SIDT1: variants seen among roughly 807,000 people sequenced by gnomAD.
SIDT1 encodes the protein SID1 transmembrane family member 1.
SIDT1 carries 101 observed loss-of-function variants against 107.5 expected under a neutral mutation model. The ratio of observed to expected loss-of-function variants is 0.94; its 90% CI spans 0.80 to 1.11. The LOEUF is 1.11. Among genes scored for constraint, SIDT1 ranks in the 50% least tolerant of loss-of-function variants. The pLI is 0.00. For synonymous variants in SIDT1, 395 were observed against 398.2 expected, an observed-to-expected ratio of 0.99 and a Z score of 0.10; for missense variants, 1,076 against 1,058.2, an observed-to-expected ratio of 1.02 and a Z score of -0.23.
At chr3:113,566,361 TG>T in intron 1 of SIDT1, 58 bp from the exon 2 acceptor site, 5 of 1,535,592 alleles carry the variant, frequency 3.3e-6, no homozygotes, top group African/African-American at 2.7e-5. Flanking sequence ...TGTGTGTGTG[TG>T]TGTTTGCATG....
intron 21 of SIDT1, among the ~76,000 whole-genome samples, chr3:113,620,731 G>T (rs1946410319): frequency 6.6e-6 from 1 of 152,104 alleles, no homozygotes; most frequent in Non-Finnish European, 1.5e-5. Context: ...GGATTCTTGG[G>T]CAGTGGTCTC....
chr3:113,604,931 G>A lies in SIDT1; in HGVS notation c.1359G>A (p.Val453=). 6.2e-7 allele frequency: 1 copy of A among 1,614,032 alleles called. No individual in the cohort carries two copies. The highest frequency in any genetic ancestry group is 8.5e-7 in the Non-Finnish European group (1 of 1,180,020). ...IYFWNIITIA[V]FYALPVIQLV... ...ATAGGAACATCATCACCATTGCTGT[G>A]TTTTACGCGCTGCCCGTGATCCAGC... Residue 453 remains valine, a synonymous_variant, in exon 14 of 25, where the codon GTG becomes GTA. Transcript: ENST00000264852.
At chr3:113,624,027 AGTTC>A (rs1436875049) in intron 23 of SIDT1, among the ~76,000 whole-genome samples, 12 of 152,216 alleles carry the variant, frequency 7.9e-5, no homozygotes, top group Admixed American at 7.9e-4. Flanking sequence ...AGCCTTGAGT[AGTTC>A]ATCTTCTCAT....
At chr3:113,630,921 G>A (rs978952416), downstream of SIDT1, among the ~76,000 whole-genome samples, 3 of 152,104 alleles carry the variant, frequency 2.0e-5, no homozygotes, top group South Asian at 2.1e-4. Context: ...CAACTGTTTC[G>A]TTTCCTGTCC....
intron 9 of SIDT1, 32 bp downstream of exon 9, chr3:113,585,302 C>G (rs750306846): frequency 3.6e-5 from 53 of 1,474,810 alleles, no homozygotes; most frequent in Non-Finnish European, 4.7e-5. Context: ...ATGTTAATTC[C>G]CTGTGCCTGT....
chr3:113,634,131 T>C (rs1947109491), downstream of SIDT1, among the ~76,000 whole-genome samples: 2 of 152,018 alleles, frequency 1.3e-5, no homozygotes, highest in Admixed American at 1.3e-4. Flanking sequence ...GAGAGAAGGA[T>C]AATTGGAGTG....
At chr3:113,556,492 G>A (rs1176052146) in intron 1 of SIDT1, among the ~76,000 whole-genome samples, 3 of 152,088 alleles carry the variant, frequency 2.0e-5, no homozygotes, top group South Asian at 2.1e-4. Flanking sequence ...TCCCATCTTC[G>A]CTCAGCCAGC....
intron 3 of SIDT1, among the ~76,000 whole-genome samples, chr3:113,574,350 A>C (rs1942728821): frequency 6.6e-6 from 1 of 152,214 alleles, no homozygotes; most frequent in African/African-American, 2.4e-5. Flanking sequence ...TGGCAGAAGG[A>C]GATAACAGGG....
At chr3:113,578,573 T>A (rs944961208) in intron 4 of SIDT1, among the ~76,000 whole-genome samples, 2 of 151,226 alleles carry the variant, frequency 1.3e-5, no homozygotes, top group African/African-American at 4.9e-5. Context: ...ACTGATCAGG[T>A]GTGGTGGCTT....
At position 113,556,824 on chromosome 3, in the gene SIDT1, T is replaced by TTTTTTTC. The variant is rs1940919660; in HGVS notation, c.223-9590_223-9589insCTTTTTT. Among the ~76,000 whole-genome samples, 2 of 138,862 alleles carry TTTTTTTC rather than the reference T, an allele frequency of 1.4e-5. 1 individual carries two copies. 91.1% of individuals were successfully genotyped at this position (138,862 alleles called of 152,430 possible). ...GGTATGCCCTAAGTTTCTTTTTCTT[T>TTTTTTTC]TTTTTTTTTTTTTGAAATAGAGTCT... On this transcript the variant is annotated intron_variant, in intron 1 of 24. Coordinates refer to ENST00000264852, the MANE Select transcript of SIDT1 (RefSeq NM_017699.3).
At chr3:113,610,888 T>G in intron 17 of SIDT1, 120 bp from the exon 18 acceptor site, 1 of 1,233,132 alleles carries the variant, frequency 8.1e-7, no homozygotes, top group Non-Finnish European at 1.1e-6. Flanking sequence ...AGCCTGCGGG[T>G]AGAAAATAGT....
chr3:113,558,532 C>T (rs1196319715), intron 1 of SIDT1, among the ~76,000 whole-genome samples: 1 of 152,126 alleles, frequency 6.6e-6, no homozygotes, highest in Non-Finnish European at 1.5e-5. Flanking sequence ...AATGTCTCCT[C>T]GTGGAGTAAA....
In SIDT1 at chr3:113,601,574, A is replaced by G; in HGVS notation, c.1046-14A>G. On this transcript the variant is annotated splice_polypyrimidine_tract_variant and intron_variant, in intron 10 of 24. Transcript: ENST00000264852. The stretch of plus-strand genomic sequence containing the variant: ...CTGGACATAAAGTGTTTGCCTCTTC[A>G]CTTTTTTTAACAGGCTCTGGAAATA... The G allele has an allele frequency of 1.2e-6, 2 of 1,609,726 alleles. No homozygotes were observed. The highest frequency in any genetic ancestry group is 1.7e-6 in the Non-Finnish European group (2 of 1,176,072).
chr3:113,578,839 C>T (rs1325721989), intron 4 of SIDT1, among the ~76,000 whole-genome samples: 4 of 151,902 alleles, frequency 2.6e-5, no homozygotes, highest in South Asian at 2.1e-4. Flanking sequence ...TGGGTGACAG[C>T]GTGAGACCCT....
At chr3:113,624,142 C>G (rs905008405) in intron 23 of SIDT1, among the ~76,000 whole-genome samples, 2 of 152,212 alleles carry the variant, frequency 1.3e-5, no homozygotes, top group African/African-American at 4.8e-5. Flanking sequence ...AGTGGTATAT[C>G]TGAGGCACAG....
chr3:113,630,324 C>A (rs1947080497), downstream of SIDT1, among the ~76,000 whole-genome samples: 1 of 152,152 alleles, frequency 6.6e-6, no homozygotes, highest in Non-Finnish European at 1.5e-5. Context: ...GGAGAAGCAG[C>A]CCCACCTCTT....
chr3:113,537,093 A>C (rs907451780), intron 1 of SIDT1, among the ~76,000 whole-genome samples: 6 of 152,222 alleles, frequency 3.9e-5, no homozygotes, highest in Non-Finnish European at 7.3e-5. Context: ...GGTGATAAGA[A>C]ACCCTTAAAT....
chr3:113,600,168 G>A (rs1466886591), intron 10 of SIDT1, among the ~76,000 whole-genome samples: 1 of 152,012 alleles, frequency 6.6e-6, no homozygotes. Flanking sequence ...AAATTAGCCA[G>A]TTGTGGTGAT....
rs1164574906 is a variant in SIDT1, at chr3:113,612,050, A to T, written c.1858-36A>T. 4 of 1,483,704 alleles carry T rather than the reference A, an allele frequency of 2.7e-6. No individual in the cohort carries two copies. The Admixed American group carries it at 5.0e-5, about 19-fold the overall frequency. 91.9% of individuals were successfully genotyped at this position (1,483,704 alleles called of 1,614,324 possible). A position where few individuals can be genotyped will look rare whatever the true frequency, so the allele number is the denominator to read the frequency against. On this transcript the variant is annotated intron_variant, in intron 18 of 24. Coordinates refer to ENST00000264852, the MANE Select transcript of SIDT1 (RefSeq NM_017699.3). Reference sequence around the variant, plus strand: ...GATTTTGATGAGTTTTCTAGGGAAAACCTCAGATGAAGGTAACTTCCATCT... The same window carrying T: ...GATTTTGATGAGTTTTCTAGGGAAATCCTCAGATGAAGGTAACTTCCATCT...
Sources: gnomAD v4.1 joint callset for allele counts (sites outside exome capture counted in the v4.1 genomes callset) on GRCh38, gnomAD v4.1.1 for gene constraint, MANE v1.5 for transcripts, NCBI Gene and HGNC (gene_info 2026-07-23, HGNC 2026-07-21) for gene names.